The following MCM6 variants were observed in gnomAD, a reference collection of about 807,000 sequenced individuals.
MCM6 encodes the protein DNA replication licensing factor MCM6.
MCM6 carries 46 observed loss-of-function variants against 94.3 expected under a neutral mutation model. That is an observed-to-expected ratio of 0.49 (90% CI 0.39 to 0.62). MCM6 has a LOEUF of 0.62. MCM6 is among the 20% of genes least tolerant of loss of function. The probability of loss-of-function intolerance (pLI) is 0.00; values close to 1 mark genes in which losing one functional copy is unlikely to be tolerated. For synonymous variants in MCM6, 335 were observed against 351.9 expected, an observed-to-expected ratio of 0.95 and a Z score of 0.54; for missense variants, 865 against 1,017.9, an observed-to-expected ratio of 0.85 and a Z score of 2.04.
At chr2:135,847,393 A>G (rs552960172) in intron 14 of MCM6, among the ~76,000 whole-genome samples, 2 of 152,186 alleles carry the variant, frequency 1.3e-5, no homozygotes, top group South Asian at 4.1e-4. Context: ...AGCCTGGGTG[A>G]CAGAATGAGA....
At chr2:135,872,476 CA>C (rs1680219486) in intron 2 of MCM6, among the ~76,000 whole-genome samples, 2 of 151,548 alleles carry the variant, frequency 1.3e-5, no homozygotes, top group East Asian at 1.9e-4. Context: ...AACAAACAAA[CA>C]AAACACAACA....
chr2:135,852,681 A>T (rs762755716), intron 12 of MCM6, 106 bp downstream of exon 12: 4 of 819,040 alleles, frequency 4.9e-6, no homozygotes, highest in Non-Finnish European at 6.8e-6. Flanking sequence ...AAAATTTAGG[A>T]ACTAAGGTAG....
In MCM6 at chr2:135,865,175, G is replaced by A. The variant is rs779417463; in HGVS notation, c.928-12C>T. 4.1e-6 allele frequency: 6 copies of A among 1,461,754 alleles called. No individual in the cohort carries two copies. The African/African-American group carries it at 5.7e-5, about 14-fold the overall frequency. 90.5% of individuals were successfully genotyped at this position (1,461,754 alleles called of 1,614,324 possible). A position where few individuals can be genotyped will look rare whatever the true frequency, so the allele number is the denominator to read the frequency against. On this transcript the variant is annotated splice_polypyrimidine_tract_variant and intron_variant, in intron 6 of 16. Transcript: ENST00000264156. ...TCTTTCCCCCCAAACTAATGGTAGA[G>A]AACAAAGGAAGAATCATTAGTATAG... is the stretch of plus-strand genomic sequence containing the variant.
At chr2:135,855,025 A>AC (rs1679847647) in intron 11 of MCM6, among the ~76,000 whole-genome samples, 1 of 152,060 alleles carries the variant, frequency 6.6e-6, no homozygotes, top group Non-Finnish European at 1.5e-5. Flanking sequence ...GCGTGGTGGC[A>AC]CACGCCTATA....
chr2:135,850,149 C>A lies in MCM6; in HGVS notation c.1917+1253G>T, dbSNP rs56300466. On this transcript the variant is annotated intron_variant, in intron 13 of 16. Coordinates refer to ENST00000264156, the MANE Select transcript of MCM6 (RefSeq NM_005915.6). Reference sequence around the variant, plus strand: ...GCATGGTTTTAGAATGACCTTGTCCCAGGGTATCTTGCCTATCCAAATTCT... The same window carrying A: ...GCATGGTTTTAGAATGACCTTGTCCAAGGGTATCTTGCCTATCCAAATTCT... Among the ~76,000 whole-genome samples the A allele has an allele frequency of 3.4e-3, 525 of 152,256 alleles. 3 individuals carry two copies. The highest frequency in any genetic ancestry group is 0.011 in the African/African-American group (466 of 41,544).
intron 12 of MCM6, 115 bp downstream of exon 12, chr2:135,852,672 A>T: frequency 2.6e-6 from 2 of 779,500 alleles, no homozygotes; most frequent in Non-Finnish European, 3.6e-6. Flanking sequence ...AAAAGTTGTA[A>T]AATTTAGGAA....
In MCM6 at chr2:135,868,867, A is replaced by T; in HGVS notation, c.366-7T>A. ...TGAGGTGAGCTCTCGAATCCTGTTTAAAGACAAATGTCCCATTAGTAAACA... is the reference window on the plus strand; with the variant it reads ...TGAGGTGAGCTCTCGAATCCTGTTTTAAGACAAATGTCCCATTAGTAAACA... On this transcript the variant is annotated splice_region_variant and splice_polypyrimidine_tract_variant and intron_variant, in intron 3 of 16. Coordinates refer to ENST00000264156, the MANE Select transcript of MCM6 (RefSeq NM_005915.6). 1 of 1,613,088 alleles carries T rather than the reference A, an allele frequency of 6.2e-7. No homozygotes were observed. Among genetic ancestry groups the T allele is most frequent in the Non-Finnish European group, 8.5e-7 (1 of 1,179,090 alleles).
At chr2:135,859,824 GAC>G (rs1299201902) in intron 8 of MCM6, among the ~76,000 whole-genome samples, 1 of 151,700 alleles carries the variant, frequency 6.6e-6, no homozygotes, top group Non-Finnish European at 1.5e-5. Flanking sequence ...TTTTAATTGA[GAC>G]ACAGTCTTGC....
intron 4 of MCM6, among the ~76,000 whole-genome samples, chr2:135,867,610 C>T (rs534117970): frequency 6.6e-6 from 1 of 152,234 alleles, no homozygotes; most frequent in South Asian, 2.1e-4. Flanking sequence ...AAATTAAGTC[C>T]TGCTGAAATC....
intron 2 of MCM6, among the ~76,000 whole-genome samples, chr2:135,871,929 T>C (rs745399426): frequency 6.6e-6 from 1 of 152,124 alleles, no homozygotes; most frequent in Non-Finnish European, 1.5e-5. Flanking sequence ...TATATACCTA[T>C]TACTTTTATA....
intron 13 of MCM6, among the ~76,000 whole-genome samples, chr2:135,850,688 C>T (rs1474001898): frequency 6.6e-6 from 1 of 152,146 alleles, no homozygotes; most frequent in Non-Finnish European, 1.5e-5. Context: ...AGGGCTAAGA[C>T]TGAAAAGAGG....
At chr2:135,845,723 T>C (rs548668746) in intron 15 of MCM6, among the ~76,000 whole-genome samples, 1 of 152,318 alleles carries the variant, frequency 6.6e-6, no homozygotes, top group African/African-American at 2.4e-5. Flanking sequence ...TGATAAAACT[T>C]TGAATAGCAT....
At chr2:135,854,781 G>T (rs1466121200) in intron 11 of MCM6, among the ~76,000 whole-genome samples, 5 of 151,964 alleles carry the variant, frequency 3.3e-5, no homozygotes, top group African/African-American at 1.2e-4. Flanking sequence ...GCTGAGGTGG[G>T]AGGATTGTGT....
Position 135,852,769 on chromosome 2 carries a change from T to C in MCM6, c.1755+18A>G. 2 of 1,546,274 alleles carry C rather than the reference T, an allele frequency of 1.3e-6. No individual in the cohort carries two copies. The highest frequency in any genetic ancestry group is 1.7e-6 in the Non-Finnish European group (2 of 1,146,578). On this transcript the variant is annotated intron_variant, in intron 12 of 16. Coordinates refer to ENST00000264156, the MANE Select transcript of MCM6 (RefSeq NM_005915.6). ...ATATACCCATTATACCTTATCCCAG[T>C]ACAAAAGGGTAGGTTACCTTGGGTT... is the stretch of plus-strand genomic sequence containing the variant.
chr2:135,876,392 G>A lies in MCM6; in HGVS notation c.-27C>T, dbSNP rs1057031. On this transcript the variant is annotated 5_prime_UTR_variant, in exon 1 of 17. Transcript: ENST00000264156. Reference sequence around the variant, plus strand: ...TTTGCTTAGTGCCGAGGATTCGCCTGCGCCACGCTCGACCGCCACAAGTCG... The same window carrying A: ...TTTGCTTAGTGCCGAGGATTCGCCTACGCCACGCTCGACCGCCACAAGTCG... 0.16 allele frequency: 252,009 copies of A among 1,559,944 alleles called. 25,485 individuals are homozygous for A. Among genetic ancestry groups the A allele is most frequent in the Middle Eastern group, 0.38 (2,229 of 5,860 alleles).
At chr2:135,851,688 A>G (rs530103737) in intron 12 of MCM6, 125 bp from the exon 13 acceptor site, 2 of 663,902 alleles carry the variant, frequency 3.0e-6, no homozygotes, top group Admixed American at 3.4e-5. Flanking sequence ...AACTTTGAGA[A>G]GCCAGTGACA....
Position 135,866,249 on chromosome 2 carries a change from G to A in MCM6, c.810C>T (p.Val270=), listed in dbSNP as rs1387392753. Residue 270 remains valine, a synonymous_variant, in exon 6 of 17, where the codon GTC becomes GTT. Coordinates refer to ENST00000264156, the MANE Select transcript of MCM6 (RefSeq NM_005915.6). ...PGARAETNSR[V]SGVDGYETEG... Reference sequence around the variant, plus strand: ...CTGTCTCATATCCATCAACACCACTGACACGGGAATTAGTTTCTGCACGTG... The same window carrying A: ...CTGTCTCATATCCATCAACACCACTAACACGGGAATTAGTTTCTGCACGTG... 2 of 1,614,016 alleles carry A rather than the reference G, an allele frequency of 1.2e-6. No homozygotes were observed. The highest frequency in any genetic ancestry group is 1.7e-6 in the Non-Finnish European group (2 of 1,179,972).
At chr2:135,856,040 AAAG>A (rs781770683) in intron 11 of MCM6, among the ~76,000 whole-genome samples, 118 of 152,364 alleles carry the variant, frequency 7.7e-4, no homozygotes, top group African/African-American at 2.0e-3. Context: ...TGATTAAAAA[AAAG>A]AAGAAGAAAA....
Position 135,848,076 on chromosome 2 carries a change from T to A in MCM6, c.2030A>T (p.Asp677Val). 4.3e-6 allele frequency: 7 copies of A among 1,611,862 alleles called. No individual in the cohort carries two copies. The highest frequency in any genetic ancestry group is 5.9e-6 in the Non-Finnish European group (7 of 1,178,074). Residue 677 changes from aspartate (D) to valine (V), a missense_variant, in exon 14 of 17, where the codon GAT (aspartate) becomes GTT (valine). This residue lies in a region of MCM6 where 308 missense variants were observed against 324.5 expected (regional missense o/e 0.95). Transcript: ENST00000264156. ...DQEEEIQMEV[D>V]EGAGGINGHA... The stretch of plus-strand genomic sequence containing the variant: ...ACCATTGATGCCACCAGCACCCTCA[T>A]CTACCTCCATCTGGATCTCTTCCTC...
Sources: gnomAD v4.1 joint callset for allele counts (sites outside exome capture counted in the v4.1 genomes callset) on GRCh38, gnomAD v4.1.1 for gene constraint, gnomAD v4.1.1 regional missense constraint, MANE v1.5 for transcripts, NCBI Gene and HGNC (gene_info 2026-07-23, HGNC 2026-07-21) for gene names.